Variants in POLK observed in about 807,000 individuals in gnomAD.
The protein encoded by POLK is polymerase (DNA directed) kappa.
Under a neutral mutation model 94.0 loss-of-function variants are expected in POLK, and 76 were observed. The ratio of observed to expected loss-of-function variants is 0.81; its 90% CI spans 0.67 to 0.98. The LOEUF (loss-of-function observed/expected upper bound fraction) is 0.98, where lower values mean the gene tolerates loss of function less well. Ranked by LOEUF, POLK falls within the 50% of genes least tolerant of loss-of-function variation. POLK has a pLI of 0.00. For missense variants in POLK, 954 were observed against 1,010.1 expected, an observed-to-expected ratio of 0.94 and a Z score of 0.75; for synonymous variants, 349 against 325.4, an observed-to-expected ratio of 1.07 and a Z score of -0.78.
chr5:75,569,534 C>T, intron 4 of POLK, 42 bp downstream of exon 4: 2 of 1,506,070 alleles, frequency 1.3e-6, no homozygotes, highest in Non-Finnish European at 9.1e-7. Flanking sequence ...TTATAACGTA[C>T]TCAAGTAAGC....
At chr5:75,595,303 A>C (rs1162144596) in intron 12 of POLK, among the ~76,000 whole-genome samples, 1 of 150,728 alleles carries the variant, frequency 6.6e-6, no homozygotes, top group Non-Finnish European at 1.5e-5. Context: ...TAGAAGCTTA[A>C]TTCATAATTG....
chr5:75,601,120 A>C (rs1216349063), exon 15 of POLK: 1 of 152,160 alleles, frequency 6.6e-6, no homozygotes, highest in Non-Finnish European at 1.5e-5. Context: ...TAACCTTTAT[A>C]ATAAAGAGAA....
At chr5:75,587,276 G>A (rs1772523689) in intron 10 of POLK, among the ~76,000 whole-genome samples, 1 of 152,012 alleles carries the variant, frequency 6.6e-6, no homozygotes, top group African/African-American at 2.4e-5. Context: ...ATTTTTTAAT[G>A]TTGGTTTTAA....
intron 12 of POLK, among the ~76,000 whole-genome samples, chr5:75,595,246 C>CAAAAAAAA (rs1561412666): frequency 4.6e-5 from 1 of 21,676 alleles, no homozygotes; most frequent in Non-Finnish European, 6.5e-5. Flanking sequence ...AACTCCACCT[C>CAAAAAAAA]AGAAAAAAAA....
chr5:75,552,236 C>G (rs1770370961), intron 2 of POLK, among the ~76,000 whole-genome samples: 1 of 152,260 alleles, frequency 6.6e-6, no homozygotes, highest in Non-Finnish European at 1.5e-5. Context: ...GTGCTAAGTA[C>G]TGCTCACAAC....
chr5:75,546,247 A>G (rs915901401), intron 1 of POLK, among the ~76,000 whole-genome samples: 3 of 152,212 alleles, frequency 2.0e-5, no homozygotes, highest in Non-Finnish European at 4.4e-5. Context: ...AAAGCCAGAG[A>G]AAGGAAAATG....
intron 1 of POLK, among the ~76,000 whole-genome samples, chr5:75,528,966 C>A (rs1026471764): frequency 4.6e-5 from 7 of 152,160 alleles, no homozygotes; most frequent in African/African-American, 1.7e-4. Flanking sequence ...TTGCTCAAGT[C>A]CCTGATATAA....
intron 2 of POLK, among the ~76,000 whole-genome samples, chr5:75,550,913 C>T (rs191900310): frequency 9.4e-4 from 143 of 152,146 alleles, no homozygotes; most frequent in African/African-American, 3.1e-3. Context: ...CTAACCAGTG[C>T]AGTCAGGCAA....
chr5:75,581,499 T>C (rs756488843), intron 7 of POLK, 51 bp downstream of exon 7: 9 of 1,473,530 alleles, frequency 6.1e-6, no homozygotes, highest in Admixed American at 3.6e-5. Context: ...TCAGACTGGC[T>C]AATTTAAGTG....
intron 4 of POLK, among the ~76,000 whole-genome samples, chr5:75,570,718 C>T (rs574486185): frequency 2.0e-5 from 3 of 152,228 alleles, no homozygotes; most frequent in Admixed American, 6.5e-5. Context: ...AAAGTAGCAA[C>T]TAAAATAGAT....
At chr5:75,596,642 C>A in exon 13 of POLK, 2 of 1,613,974 alleles carry the variant, frequency 1.2e-6, no homozygotes, top group South Asian at 2.2e-5. Flanking sequence ...CTTGATGGAC[C>A]TTCAATCAGT....
chr5:75,540,926 T>C (rs796620797), intron 1 of POLK, among the ~76,000 whole-genome samples: 7 of 152,266 alleles, frequency 4.6e-5, no homozygotes, highest in African/African-American at 1.7e-4. Flanking sequence ...AGTTAAAGTT[T>C]TCATTGTTAA....
At chr5:75,542,171 T>C (rs1769772950) in intron 1 of POLK, among the ~76,000 whole-genome samples, 1 of 152,200 alleles carries the variant, frequency 6.6e-6, no homozygotes, top group Non-Finnish European at 1.5e-5. Flanking sequence ...AAATAGTATT[T>C]GTCCTTAAAG....
At chr5:75,569,562 G>A (rs1771477041) in intron 4 of POLK, 70 bp downstream of exon 4, 6 of 1,340,340 alleles carry the variant, frequency 4.5e-6, no homozygotes, top group African/African-American at 1.5e-5. Context: ...TTTCATGAAG[G>A]GGGAATTCTT....
At chr5:75,545,578 T>G (rs574489780) in intron 1 of POLK, among the ~76,000 whole-genome samples, 26 of 152,334 alleles carry the variant, frequency 1.7e-4, no homozygotes, top group Non-Finnish European at 3.4e-4. Context: ...TATGTGAAGA[T>G]AAACTATAAA....
rs542418925 is a variant in POLK at position 75,549,319 on chromosome 5, C to T, written c.135+2162C>T. On this transcript the variant is annotated intron_variant, in intron 2 of 14. Transcript: ENST00000241436. ...AATTTATTAAATAGTCCATTCTTTT[C>T]CTACTGATCTGGTGTGCTTTCTCTT... Among the ~76,000 whole-genome samples the T allele has an allele frequency of 2.0e-5, 3 of 152,142 alleles. No individual in the cohort carries two copies. In the South Asian group the frequency reaches 6.2e-4, roughly 32 times the overall value.
chr5:75,516,581 C>T (rs1768330625), intron 1 of POLK, among the ~76,000 whole-genome samples: 4 of 152,134 alleles, frequency 2.6e-5, no homozygotes, highest in Admixed American at 2.0e-4. Context: ...GGGAGGATTG[C>T]TTGAGCTCAG....
At chr5:75,585,954 C>G (rs1466960797) in intron 9 of POLK, among the ~76,000 whole-genome samples, 2 of 152,156 alleles carry the variant, frequency 1.3e-5, no homozygotes, top group Admixed American at 1.3e-4. Context: ...GCTCTTCAAT[C>G]TTTTGAGTCC....
At chr5:75,546,943 G>A (rs1287708743) in intron 1 of POLK, 67 bp from the exon 2 acceptor site, 14 of 750,092 alleles carry the variant, frequency 1.9e-5, no homozygotes, top group South Asian at 3.2e-5. Flanking sequence ...CTAGGATTAC[G>A]GGCATGAGCC....
Sources: allele counts gnomAD v4.1 joint callset (sites outside exome capture counted in the v4.1 genomes callset), GRCh38; gene constraint gnomAD v4.1.1; transcripts MANE v1.5; gene names NCBI Gene and HGNC (gene_info 2026-07-23, HGNC 2026-07-21).